Variants in PMEPA1 observed in about 807,000 individuals in gnomAD.
PMEPA1 encodes the protein protein TMEPAI.
In PMEPA1, 11 loss-of-function variants were observed where a neutral mutation model predicts 23.0. That is an observed-to-expected ratio of 0.48 (90% CI 0.30 to 0.79). The LOEUF (loss-of-function observed/expected upper bound fraction) is 0.79. Among genes scored for constraint, PMEPA1 ranks in the 30% least tolerant of loss-of-function variants. The pLI, the probability that PMEPA1 is intolerant of heterozygous loss-of-function variation, is 0.06. For synonymous variants in PMEPA1, 204 were observed against 166.4 expected, an observed-to-expected ratio of 1.23 and a Z score of -1.74; for missense variants, 377 against 390.9, an observed-to-expected ratio of 0.96 and a Z score of 0.30.
rs1284512167 is a variant in PMEPA1, at chr20:57,656,119, C to T, written c.265-3033G>A. 2.6e-5 allele frequency among the ~76,000 whole-genome samples: 4 copies of T among 151,604 alleles called. No homozygotes were observed. The highest frequency in any genetic ancestry group is 1.3e-4 in the Admixed American group (2 of 15,280). On this transcript the variant is annotated intron_variant, in intron 2 of 3. Coordinates refer to ENST00000341744, the MANE Select transcript of PMEPA1 (RefSeq NM_020182.5). The surrounding 1 kb of genome is among the most constrained non-coding windows in gnomAD (Gnocchi z 4.7). ...GACGGGATGGCCTTCTATCAAACTTCGAGGACTCAGAGATGTTTCTAAAGA... is the reference window on the plus strand; with the variant it reads ...GACGGGATGGCCTTCTATCAAACTTTGAGGACTCAGAGATGTTTCTAAAGA...
At chr20:57,684,892 G>A (rs1189045111) in intron 1 of PMEPA1, among the ~76,000 whole-genome samples, 1 of 152,114 alleles carries the variant, frequency 6.6e-6, no homozygotes, top group Non-Finnish European at 1.5e-5. Flanking sequence ...TCAGAGAGAA[G>A]AAAACCTGGA....
chr20:57,675,860 C>T (rs1203308969), intron 1 of PMEPA1, among the ~76,000 whole-genome samples: 3 of 152,216 alleles, frequency 2.0e-5, no homozygotes, highest in East Asian at 1.9e-4. Flanking sequence ...TGAGTCTTTC[C>T]CTGTGTCTCC....
intron 1 of PMEPA1, chr20:57,691,728 G>T (rs1048700576): frequency 6.6e-6 from 1 of 152,328 alleles, no homozygotes; most frequent in African/African-American, 2.4e-5. Context: ...GGAAGAAGCT[G>T]CGAGCTAAGG....
At chr20:57,679,143 G>A (rs2146678541) in intron 1 of PMEPA1, among the ~76,000 whole-genome samples, 1 of 152,300 alleles carries the variant, frequency 6.6e-6, no homozygotes, top group East Asian at 1.9e-4. Flanking sequence ...AAATGATCTG[G>A]TTAGGGACAG....
chr20:57,673,802 T>C (rs921406281), intron 1 of PMEPA1, among the ~76,000 whole-genome samples: 2 of 152,176 alleles, frequency 1.3e-5, no homozygotes, highest in Non-Finnish European at 2.9e-5. Context: ...AGGCTCACGG[T>C]GTGAACCTGG....
chr20:57,682,246 A>G lies in PMEPA1; in HGVS notation c.110-22549T>C, dbSNP rs1483344721. On this transcript the variant is annotated intron_variant, in intron 1 of 3. Transcript: ENST00000341744. This position sits in a 1 kb window ranked among gnomAD's most constrained non-coding sequence, Gnocchi z 4.4. ...CTTCGATGGGAGGTGACGGCGTAGC[A>G]AAGGCTCCCAGTGGGAATGAAGGCT... Among the ~76,000 whole-genome samples, 4 of 152,252 alleles carry G rather than the reference A, an allele frequency of 2.6e-5. No homozygotes were observed. Among genetic ancestry groups the G allele is most frequent in the Non-Finnish European group, 4.4e-5 (3 of 68,046 alleles).
In PMEPA1 at chr20:57,703,247, G is replaced by A. The variant is rs573901671; in HGVS notation, c.109+6227C>T. Among the ~76,000 whole-genome samples the A allele has an allele frequency of 2.0e-4, 31 of 152,364 alleles. No homozygotes were observed. In the South Asian group the frequency reaches 6.4e-3, roughly 32 times the overall value. ...TCCCCGGCCCTCCCCCGCTGCACCT[G>A]TTGATGGGGGTGGGGGACATCAGGG... On this transcript the variant is annotated intron_variant, in intron 1 of 3. Transcript: ENST00000341744.
chr20:57,709,540 C>A lies in PMEPA1; in HGVS notation c.43G>T (p.Ala15Ser), dbSNP rs867061314. ...MGVNSTAAAAAGQPNVSCTCN... is the reference protein window; with the variant it reads ...MGVNSTAAAASGQPNVSCTCN... The stretch of plus-strand genomic sequence containing the variant: ...GTGCAGGAGACATTGGGCTGCCCGG[C>A]GGCGGCGGCGGCGGTGCTGTTGACC... Residue 15 changes from alanine (A) to serine (S), a missense_variant, in exon 1 of 4, where the codon GCC becomes TCC. By Grantham distance (99) the Ala-to-Ser change is moderately conservative (BLOSUM62 1). This residue lies in a region of PMEPA1 where 198 missense variants were observed against 196.3 expected (regional missense o/e 1.01). Transcript: ENST00000341744. 3 of 1,096,646 alleles carry A rather than the reference C, an allele frequency of 2.7e-6. No individual in the cohort carries two copies. Among genetic ancestry groups the A allele is most frequent in the Non-Finnish European group, 3.4e-6 (3 of 882,922 alleles). The allele number at this position is 1,096,646 out of a possible 1,614,324, so 67.9% of individuals were successfully genotyped here. A position where few individuals can be genotyped will look rare whatever the true frequency, so the allele number is the denominator to read the frequency against.
chr20:57,660,088 C>A (rs1037129273), intron 1 of PMEPA1, among the ~76,000 whole-genome samples: 2 of 152,178 alleles, frequency 1.3e-5, no homozygotes, highest in African/African-American at 2.4e-5. Flanking sequence ...GGGAGCCCTG[C>A]GCACTGGCTC....
In PMEPA1 at chr20:57,655,856, G is replaced by C. The variant is rs1487801803; in HGVS notation, c.265-2770C>G. Among the ~76,000 whole-genome samples the C allele has an allele frequency of 1.3e-5, 2 of 152,276 alleles. No individual in the cohort carries two copies. The highest frequency in any genetic ancestry group is 2.9e-5 in the Non-Finnish European group (2 of 68,022). ...AGAGTAAAATATTTTCTGGTTTGTG[G>C]GCCGGCGGGTCTCTGTCATACCACT... On this transcript the variant is annotated intron_variant, in intron 2 of 3. Transcript: ENST00000341744. This position sits in a 1 kb window ranked among gnomAD's most constrained non-coding sequence, Gnocchi z 4.2.
chr20:57,676,093 G>A (rs1034659082), intron 1 of PMEPA1, among the ~76,000 whole-genome samples: 1 of 152,254 alleles, frequency 6.6e-6, no homozygotes, highest in Non-Finnish European at 1.5e-5. Context: ...TTCTGCGAAG[G>A]CAGCAGGGGA....
intron 1 of PMEPA1, among the ~76,000 whole-genome samples, chr20:57,672,716 AG>A (rs146296221): frequency 6.6e-6 from 1 of 152,264 alleles, no homozygotes; most frequent in East Asian, 1.9e-4. Flanking sequence ...GGAAGCAGTG[AG>A]GGTCTGGGCA....
intron 1 of PMEPA1, among the ~76,000 whole-genome samples, chr20:57,680,018 A>C (rs955901479): frequency 6.6e-6 from 1 of 152,202 alleles, no homozygotes; most frequent in Admixed American, 6.5e-5. Context: ...AGTGAGGGTC[A>C]CAATGGCTGT....
At chr20:57,710,567 C>A (rs1022701827), upstream of PMEPA1, 7 of 1,217,800 alleles carry the variant, frequency 5.7e-6, no homozygotes, top group African/African-American at 9.4e-5. Flanking sequence ...AGGAGGACGA[C>A]CAGGAAAGAC....
At chr20:57,662,500 G>C (rs541872749) in intron 1 of PMEPA1, among the ~76,000 whole-genome samples, 3 of 152,168 alleles carry the variant, frequency 2.0e-5, no homozygotes, top group African/African-American at 7.2e-5. Flanking sequence ...GCCCTGGGCC[G>C]CCTGTGGGAC....
chr20:57,710,119 C>T, upstream of PMEPA1: 2 of 838,738 alleles, frequency 2.4e-6, no homozygotes, highest in East Asian at 6.4e-5. Context: ...CCTCCCCGAG[C>T]CGGGGGGCGG....
chr20:57,673,088 C>G (rs190472686), intron 1 of PMEPA1, among the ~76,000 whole-genome samples: 2 of 150,384 alleles, frequency 1.3e-5, no homozygotes, highest in Non-Finnish European at 3.0e-5. Flanking sequence ...CCTGGGCCCC[C>G]GCCCCGACTT....
Position 57,653,056 on chromosome 20 carries a change from C to T in PMEPA1, c.295G>A (p.Val99Met). 1 of 1,594,826 alleles carries T rather than the reference C, an allele frequency of 6.3e-7. No homozygotes were observed. Among genetic ancestry groups the T allele is most frequent in the Non-Finnish European group, 8.5e-7 (1 of 1,170,506 alleles). ...ACCTCTGGGATTCCGTTGCCTGACACTGTGCTCTCCGAGGGCCACAGGCAT... is the reference window on the plus strand; with the variant it reads ...ACCTCTGGGATTCCGTTGCCTGACATTGTGCTCTCCGAGGGCCACAGGCAT... The part of the protein sequence containing the change: ...EGCLWPSEST[V>M]SGNGIPEPQV... Residue 99 changes from valine (V) to methionine (M), a missense_variant, in exon 3 of 4, where the codon GTG becomes ATG. Transcript: ENST00000341744.
chr20:57,708,362 G>A (rs1391032948), intron 1 of PMEPA1, among the ~76,000 whole-genome samples: 2 of 152,234 alleles, frequency 1.3e-5, no homozygotes, highest in South Asian at 2.1e-4. Flanking sequence ...GGGGGACAAG[G>A]TGTAGGCTAG....
Sources: gnomAD v4.1 joint callset for allele counts (sites outside exome capture counted in the v4.1 genomes callset) on GRCh38, gnomAD v4.1.1 for gene constraint, gnomAD v4.1.1 regional missense constraint, Gnocchi (gnomAD v3.1) non-coding constraint, MANE v1.5 for transcripts, NCBI Gene and HGNC (gene_info 2026-07-23, HGNC 2026-07-21) for gene names.